The following PTPN12 variants were observed in gnomAD, a reference collection of about 807,000 sequenced individuals.
PTPN12 encodes tyrosine-protein phosphatase non-receptor type 12.
A neutral mutation model predicts 97.6 loss-of-function variants in PTPN12; 29 were observed. The observed-to-expected ratio is 0.30, with a 90% CI of 0.22 to 0.41. PTPN12 has a LOEUF of 0.41. Ranked by LOEUF, PTPN12 falls within the 10% of genes least tolerant of loss-of-function variation. The pLI is 1.00. For missense variants in PTPN12, 819 were observed against 926.0 expected (o/e 0.88, Z 1.50); for synonymous variants, 327 against 300.4 (o/e 1.09, Z -0.91).
Position 77,629,065 on chromosome 7 carries a change from T to G in PTPN12, c.1996+1390T>G, listed in dbSNP as rs528201268. Among the ~76,000 whole-genome samples the G allele has an allele frequency of 2.6e-5, 4 of 152,272 alleles. No homozygotes were observed. In the East Asian group the frequency reaches 7.7e-4, roughly 29 times the overall value. On this transcript the variant is annotated intron_variant, in intron 13 of 17. Transcript: ENST00000248594. ...CCTGGGTTCAAGGAATTCTCCTGCC[T>G]CATCCTCCCTAGTAGTTGGGAATAC...
At chr7:77,591,988 A>C (rs889686513) in intron 5 of PTPN12, among the ~76,000 whole-genome samples, 197 bp from the exon 6 acceptor site, 1 of 152,202 alleles carries the variant, frequency 6.6e-6, no homozygotes, top group Non-Finnish European at 1.5e-5. Flanking sequence ...TCTTATGACT[A>C]TTCTTGGAGA....
intron 11 of PTPN12, among the ~76,000 whole-genome samples, chr7:77,615,837 G>A (rs117414236): frequency 0.018 from 2,796 of 152,352 alleles, 34 homozygotes; most frequent in Middle Eastern, 0.071. Context: ...CAGAAGATGT[G>A]GGTGTGTAGG....
intron 4 of PTPN12, among the ~76,000 whole-genome samples, chr7:77,584,765 T>A (rs550230578): frequency 6.6e-6 from 1 of 151,754 alleles, no homozygotes; most frequent in South Asian, 2.1e-4. Context: ...TAGTCCCAGC[T>A]ACTCAGCAGG....
At chr7:77,555,909 C>T (rs908906176) in intron 1 of PTPN12, among the ~76,000 whole-genome samples, 14 of 150,978 alleles carry the variant, frequency 9.3e-5, no homozygotes, top group Non-Finnish European at 1.8e-4. Flanking sequence ...GGCGAGACTC[C>T]GTCTCAAAAA....
chr7:77,573,873 G>C (rs1787246446), intron 2 of PTPN12, among the ~76,000 whole-genome samples: 1 of 152,168 alleles, frequency 6.6e-6, no homozygotes, highest in African/African-American at 2.4e-5. Flanking sequence ...CTATTTTCCT[G>C]CCTCAGCCTC....
chr7:77,547,938 A>C (rs891425479), intron 1 of PTPN12, among the ~76,000 whole-genome samples: 3 of 152,236 alleles, frequency 2.0e-5, no homozygotes, highest in Admixed American at 2.0e-4. Flanking sequence ...AAGGAATATC[A>C]GCTTAAATGC....
Position 77,571,075 on chromosome 7 carries a change from A to T in PTPN12, c.100-3A>T, listed in dbSNP as rs17155183. 426,643 of 1,526,904 alleles carry T rather than the reference A, an allele frequency of 0.28. 60,545 individuals are homozygous for T. The highest frequency in any genetic ancestry group is 0.29 in the Non-Finnish European group (328,044 of 1,132,576). The allele number at this position is 1,526,904 out of a possible 1,614,324, so 94.6% of individuals were successfully genotyped here. A position where few individuals can be genotyped will look rare whatever the true frequency, so the allele number is the denominator to read the frequency against. On this transcript the variant is annotated splice_polypyrimidine_tract_variant and splice_region_variant and intron_variant, in intron 1 of 17. Transcript: ENST00000248594. Reference sequence around the variant, plus strand: ...CTTTAATTTTTATTTGTTGTATTTTAAGCGGTTAAGAAGATTGTCTACCAA... The same window carrying T: ...CTTTAATTTTTATTTGTTGTATTTTTAGCGGTTAAGAAGATTGTCTACCAA...
chr7:77,567,456 G>A (rs542761967), intron 1 of PTPN12, among the ~76,000 whole-genome samples: 47 of 152,286 alleles, frequency 3.1e-4, no homozygotes, highest in African/African-American at 1.1e-3. Flanking sequence ...CTTTGGAGGT[G>A]TGCAAGTGGG....
chr7:77,614,581 GAAGA>G (rs1788686963), intron 11 of PTPN12, among the ~76,000 whole-genome samples: 1 of 152,064 alleles, frequency 6.6e-6, no homozygotes, highest in Non-Finnish European at 1.5e-5. Flanking sequence ...AAAAAAAACA[GAAGA>G]AAAGATGGAT....
intron 11 of PTPN12, among the ~76,000 whole-genome samples, chr7:77,617,060 G>A (rs1406645459): frequency 6.6e-6 from 1 of 152,166 alleles, no homozygotes; most frequent in African/African-American, 2.4e-5. Flanking sequence ...TGGGATTACA[G>A]GTGTGAGCCA....
intron 1 of PTPN12, among the ~76,000 whole-genome samples, chr7:77,553,869 C>G (rs1482267425): frequency 6.7e-6 from 1 of 148,526 alleles, no homozygotes; most frequent in Non-Finnish European, 1.5e-5. Flanking sequence ...TTTTGTCTTC[C>G]ACTGTTTTTC....
chr7:77,543,312 T>C (rs367747673), intron 1 of PTPN12, among the ~76,000 whole-genome samples: 39 of 150,618 alleles, frequency 2.6e-4, no homozygotes, highest in African/African-American at 9.3e-4. Flanking sequence ...TAGAGGAAGA[T>C]TGGTTGAAGG....
intron 12 of PTPN12, among the ~76,000 whole-genome samples, chr7:77,626,235 C>G (rs761666104): frequency 1.3e-5 from 2 of 152,070 alleles, no homozygotes; most frequent in African/African-American, 4.8e-5. Flanking sequence ...AGAAAAGATA[C>G]GAAATCATGG....
In PTPN12 at chr7:77,638,951, A is replaced by G. The variant is rs941755398; in HGVS notation, c.2281+220A>G. 6.0e-6 allele frequency: 5 copies of G among 829,084 alleles called. No individual in the cohort carries two copies. The East Asian group carries it at 9.0e-5, about 15-fold the overall frequency. 51.4% of individuals were successfully genotyped at this position (829,084 alleles called of 1,614,324 possible). A position where few individuals can be genotyped will look rare whatever the true frequency, so the allele number is the denominator to read the frequency against. ...GTATAAAAAATCTTTTGTGTTGGAAAGACTAAATTATCATGGATATTTTTC... is the reference window on the plus strand; with the variant it reads ...GTATAAAAAATCTTTTGTGTTGGAAGGACTAAATTATCATGGATATTTTTC... On this transcript the variant is annotated intron_variant, in intron 17 of 17. Transcript: ENST00000248594.
chr7:77,546,795 G>GAAGC (rs1253887352), intron 1 of PTPN12, among the ~76,000 whole-genome samples: 2 of 152,222 alleles, frequency 1.3e-5, no homozygotes, highest in African/African-American at 4.8e-5. Context: ...AGGTGAAGGG[G>GAAGC]AAGCAAGGCA....
intron 12 of PTPN12, among the ~76,000 whole-genome samples, chr7:77,624,801 G>A (rs1169355520): frequency 6.6e-6 from 1 of 151,848 alleles, no homozygotes; most frequent in Non-Finnish European, 1.5e-5. Context: ...TATCTGGTTG[G>A]ATAAAAAAAG....
chr7:77,606,371 C>T (rs1158140235), intron 8 of PTPN12, among the ~76,000 whole-genome samples: 1 of 152,164 alleles, frequency 6.6e-6, no homozygotes, highest in Non-Finnish European at 1.5e-5. Flanking sequence ...CTCTGTGTCA[C>T]TTACTCTTGG....
intron 4 of PTPN12, 40 bp from the exon 5 acceptor site, chr7:77,585,503 T>C (rs1276518095): frequency 8.4e-6 from 13 of 1,550,996 alleles, no homozygotes; most frequent in Non-Finnish European, 8.8e-6. Context: ...TGTGTTTAAC[T>C]GATACGTTCT....
At chr7:77,633,488 A>G (rs1351003407) in intron 14 of PTPN12, among the ~76,000 whole-genome samples, 1 of 152,018 alleles carries the variant, frequency 6.6e-6, no homozygotes. Context: ...ATGCACCAGT[A>G]GTCCCAGCTG....
Sources: allele counts gnomAD v4.1 joint callset (sites outside exome capture counted in the v4.1 genomes callset), GRCh38; gene constraint gnomAD v4.1.1; transcripts MANE v1.5; gene names NCBI Gene and HGNC (gene_info 2026-07-23, HGNC 2026-07-21).